The following HMOX1 variants were observed in gnomAD, a reference collection of about 807,000 sequenced individuals.
HMOX1 encodes the protein heme oxygenase 1, also known as heat shock protein, 32-kD.
HMOX1 carries 22 observed loss-of-function variants against 27.8 expected under a neutral mutation model. That is an observed-to-expected ratio of 0.79 (90% CI 0.57 to 1.13). The LOEUF (loss-of-function observed/expected upper bound fraction) is 1.13, where lower values mean the gene tolerates loss of function less well. Ranked by LOEUF, HMOX1 falls within the 50% of genes most tolerant of loss-of-function variation. The pLI is 0.00. For synonymous variants in HMOX1, 153 were observed against 151.6 expected (o/e 1.01, Z -0.07); for missense variants, 379 against 377.7 (o/e 1.00, Z -0.03).
In HMOX1 at chr22:35,389,215, CTCTTTCTT is replaced by C. The variant is rs764232156; in HGVS notation, c.637-631_637-624del. Among the ~76,000 whole-genome samples, 209 of 112,248 alleles carry C rather than the reference CTCTTTCTT, an allele frequency of 1.9e-3. 6 individuals are homozygous for C. The highest frequency in any genetic ancestry group is 9.2e-3 in the South Asian group (33 of 3,590). The allele number at this position is 112,248 out of a possible 152,430, so 73.6% of individuals were successfully genotyped here. On this transcript the variant is annotated intron_variant, in intron 3 of 4. Transcript: ENST00000216117. ...TTTCTTTCTTTCTTTCTTTCTTTCT[CTCTTTCTT>C]TCTTTCTTTCTTTCTTTTTCTTTCT...
intron 4 of HMOX1, 82 bp downstream of exon 4, chr22:35,390,045 C>G (rs1483514172): frequency 2.1e-6 from 2 of 961,350 alleles, no homozygotes. Context: ...CTCTATTCCT[C>G]TGTTTTCTGA....
chr22:35,383,470 ACCG>A (rs1398357477), intron 2 of HMOX1, among the ~76,000 whole-genome samples: 2 of 152,146 alleles, frequency 1.3e-5, no homozygotes, highest in African/African-American at 4.8e-5. Flanking sequence ...TTGACTGAGC[ACCG>A]GTTCCATGTT....
intron 3 of HMOX1, among the ~76,000 whole-genome samples, chr22:35,389,283 C>T (rs1162843629): frequency 8.7e-6 from 1 of 114,418 alleles, no homozygotes; most frequent in Non-Finnish European, 1.7e-5. Flanking sequence ...TCCTCTCTCT[C>T]TCTCTCTTCT....
chr22:35,393,084 C>G (rs1317991230), intron 4 of HMOX1, among the ~76,000 whole-genome samples: 2 of 152,200 alleles, frequency 1.3e-5, no homozygotes, highest in Non-Finnish European at 2.9e-5. Context: ...TGCTTTCTAG[C>G]TCCTGCCCCA....
At chr22:35,391,714 C>G (rs1201357993) in intron 4 of HMOX1, among the ~76,000 whole-genome samples, 1 of 150,944 alleles carries the variant, frequency 6.6e-6, no homozygotes, top group Non-Finnish European at 1.5e-5. Context: ...CCACCTCAGC[C>G]TCCTGAGTAA....
chr22:35,389,850 CTT>C lies in HMOX1; in HGVS notation c.637-11_637-10del. On this transcript the variant is annotated splice_polypyrimidine_tract_variant and intron_variant, in intron 3 of 4. Coordinates refer to ENST00000216117, the MANE Select transcript of HMOX1 (RefSeq NM_002133.3). ...CTCTCACTGAGATAGGCATGTGTGT[CTT>C]TTGTCTTTTAGCTCTTTGAGGAGTT... The C allele has an allele frequency of 6.3e-7, 1 of 1,584,924 alleles. No individual in the cohort carries two copies. The highest frequency in any genetic ancestry group is 8.6e-7 in the Non-Finnish European group (1 of 1,162,024).
chr22:35,381,772 A>AT (rs201144489), intron 1 of HMOX1, among the ~76,000 whole-genome samples: 11,947 of 148,044 alleles, frequency 0.081, 521 homozygotes, highest in East Asian at 0.13. Flanking sequence ...ATTTGTTAGT[A>AT]TTTTTTTTTT....
chr22:35,390,809 C>G (rs957343287), intron 4 of HMOX1, among the ~76,000 whole-genome samples: 1 of 152,142 alleles, frequency 6.6e-6, no homozygotes, highest in Non-Finnish European at 1.5e-5. Flanking sequence ...AGCTATGAAC[C>G]CACCACAGGA....
chr22:35,384,940 C>T (rs1931469491), intron 2 of HMOX1, among the ~76,000 whole-genome samples: 1 of 151,794 alleles, frequency 6.6e-6, no homozygotes, highest in African/African-American at 2.4e-5. Context: ...GTCCGTCACA[C>T]TCAAAAACCC....
At chr22:35,389,398 T>C (rs1327258194) in intron 3 of HMOX1, among the ~76,000 whole-genome samples, 3 of 65,874 alleles carry the variant, frequency 4.6e-5, no homozygotes, top group African/African-American at 2.4e-4. Flanking sequence ...CTTCCTTCCT[T>C]TCTTTCTTTC....
intron 3 of HMOX1, 24 bp from the exon 4 acceptor site, chr22:35,389,840 G>C (rs758647250): frequency 3.3e-6 from 5 of 1,519,874 alleles, no homozygotes; most frequent in Non-Finnish European, 4.5e-6. Flanking sequence ...ACTGAGATAG[G>C]CATGTGTGTC....
intron 3 of HMOX1, among the ~76,000 whole-genome samples, chr22:35,388,624 A>G (rs149362862): frequency 0.037 from 5,653 of 151,536 alleles, 115 homozygotes; most frequent in Middle Eastern, 0.082. Flanking sequence ...CATCTCTACT[A>G]AAAAAAAGAA....
intron 2 of HMOX1, among the ~76,000 whole-genome samples, chr22:35,384,377 C>A (rs970931078): frequency 1.3e-5 from 2 of 152,098 alleles, no homozygotes; most frequent in Non-Finnish European, 2.9e-5. Context: ...AGCCACCACC[C>A]GGCCGAGACA....
chr22:35,384,082 ATTTAT>A (rs1486348438), intron 2 of HMOX1, among the ~76,000 whole-genome samples: 1 of 151,630 alleles, frequency 6.6e-6, no homozygotes, highest in Non-Finnish European at 1.5e-5. Flanking sequence ...GACATGCTTT[ATTTAT>A]TTTATTTTAT....
In HMOX1 at chr22:35,386,984, A is replaced by G. The variant is rs1019727090; in HGVS notation, c.444A>G (p.Lys148=). 1.2e-6 allele frequency: 2 copies of G among 1,613,954 alleles called. No homozygotes were observed. Among genetic ancestry groups the G allele is most frequent in the Non-Finnish European group, 1.7e-6 (2 of 1,180,026 alleles). ...LGDLSGGQVL[K]KIAQKALDLP... ...ACCTGTCTGGGGGCCAGGTGCTCAA[A>G]AAGATTGCCCAGAAAGCCCTGGACC... The change falls in exon 3 of 5, where the codon AAA becomes AAG. Residue 148 remains lysine (K), a synonymous_variant. Transcript: ENST00000216117.
Position 35,393,859 on chromosome 22 carries a change from G to A in HMOX1, c.*261G>A, listed in dbSNP as rs1471409631. 2.1e-6 allele frequency: 1 copy of A among 472,052 alleles called. No homozygotes were observed. The highest frequency in any genetic ancestry group is 2.0e-5 in the African/African-American group (1 of 50,780). 29.2% of individuals were successfully genotyped at this position (472,052 alleles called of 1,614,324 possible). On this transcript the variant is annotated 3_prime_UTR_variant, in exon 5 of 5. Transcript: ENST00000216117. ...CTGCCCTTCAGCATCCTCAGTTCCT[G>A]CAGCAGAGCCTGGAAGACACCCTAA... is the stretch of plus-strand genomic sequence containing the variant.
intron 3 of HMOX1, among the ~76,000 whole-genome samples, chr22:35,389,208 T>G (rs1213012077): frequency 7.9e-6 from 1 of 126,668 alleles, no homozygotes; most frequent in Non-Finnish European, 1.6e-5. Flanking sequence ...TTTCTTTCTT[T>G]CTTTCTCTCT....
At chr22:35,384,792 C>T (rs1931467118) in intron 2 of HMOX1, among the ~76,000 whole-genome samples, 3 of 149,524 alleles carry the variant, frequency 2.0e-5, no homozygotes, top group African/African-American at 7.4e-5. Flanking sequence ...AGGGAACTGA[C>T]TAGCACAGTT....
rs571657992 is a variant in HMOX1, at chr22:35,383,812, A to C, written c.144+586A>C. 6.5e-4 allele frequency among the ~76,000 whole-genome samples: 99 copies of C among 152,320 alleles called. 1 individual carries two copies. Among genetic ancestry groups the C allele is most frequent in the African/African-American group, 2.2e-3 (91 of 41,574 alleles). On this transcript the variant is annotated intron_variant, in intron 2 of 4. Transcript: ENST00000216117. Reference sequence around the variant, plus strand: ...ATCTGTAAAAGAGTATTTCAACAGCAGGGTTTTCTTAAGCACCCACTATAT... The same window carrying C: ...ATCTGTAAAAGAGTATTTCAACAGCCGGGTTTTCTTAAGCACCCACTATAT...
Sources: gnomAD v4.1 joint callset for allele counts (sites outside exome capture counted in the v4.1 genomes callset) on GRCh38, gnomAD v4.1.1 for gene constraint, MANE v1.5 for transcripts, NCBI Gene and HGNC (gene_info 2026-07-23, HGNC 2026-07-21) for gene names.